CHCHD6: variants seen among roughly 807,000 people sequenced by gnomAD.
CHCHD6 encodes coiled-coil-helix-coiled-coil-helix domain containing 6, also known as MICOS complex subunit MIC25.
In CHCHD6, 28 loss-of-function variants were observed where a neutral mutation model predicts 32.3. The ratio of observed to expected loss-of-function variants is 0.87; its 90% CI spans 0.64 to 1.19. The LOEUF (loss-of-function observed/expected upper bound fraction) is 1.19. Ranked by LOEUF, CHCHD6 falls within the 50% of genes most tolerant of loss-of-function variation. CHCHD6 has a pLI of 0.00. For synonymous variants in CHCHD6, 122 were observed against 117.5 expected (o/e 1.04, Z -0.25); for missense variants, 333 against 307.0 (o/e 1.08, Z -0.63).
At chr3:126,710,417 G>A (rs1553722444) in intron 1 of CHCHD6, among the ~76,000 whole-genome samples, 1 of 152,104 alleles carries the variant, frequency 6.6e-6, no homozygotes, top group Non-Finnish European at 1.5e-5. Context: ...TATCTGTTCT[G>A]GGTCCTTTGC....
At chr3:126,883,165 A>T (rs530644677) in intron 5 of CHCHD6, among the ~76,000 whole-genome samples, 7 of 152,326 alleles carry the variant, frequency 4.6e-5, no homozygotes, top group Admixed American at 1.3e-4. Flanking sequence ...TGGAAGCTCC[A>T]CGTCCCTTTT....
chr3:126,895,666 A>G (rs762977304), intron 5 of CHCHD6, among the ~76,000 whole-genome samples: 1 of 152,216 alleles, frequency 6.6e-6, no homozygotes, highest in Non-Finnish European at 1.5e-5. Flanking sequence ...AGTTATTTTT[A>G]GGCATGGAAA....
intron 1 of CHCHD6, among the ~76,000 whole-genome samples, chr3:126,717,232 C>T (rs1935063547): frequency 6.6e-6 from 1 of 152,092 alleles, no homozygotes; most frequent in Non-Finnish European, 1.5e-5. Context: ...ACAGTGAGTG[C>T]TGGATGAAGG....
intron 5 of CHCHD6, among the ~76,000 whole-genome samples, chr3:126,862,113 T>C (rs1411033370): frequency 0.041 from 126 of 3,064 alleles, no homozygotes; most frequent in Admixed American, 0.066. Flanking sequence ...CCTTCCCCTC[T>C]ACCACCATCA....
At chr3:126,783,010 A>G (rs950380093) in intron 4 of CHCHD6, among the ~76,000 whole-genome samples, 2 of 152,178 alleles carry the variant, frequency 1.3e-5, no homozygotes, top group Non-Finnish European at 2.9e-5. Context: ...CCCACTGATT[A>G]TTAACTATAG....
chr3:126,906,501 C>T (rs775302857), intron 5 of CHCHD6, among the ~76,000 whole-genome samples: 45 of 152,342 alleles, frequency 3.0e-4, no homozygotes, highest in African/African-American at 3.8e-4. Context: ...CAACACCTTC[C>T]GACAGCGCTC....
intron 5 of CHCHD6, among the ~76,000 whole-genome samples, chr3:126,876,763 A>C (rs1433022150): frequency 6.6e-6 from 1 of 152,258 alleles, no homozygotes; most frequent in Non-Finnish European, 1.5e-5. Context: ...TATTCCATTA[A>C]GATAAACAGA....
chr3:126,859,048 T>C (rs1013889808), intron 5 of CHCHD6, among the ~76,000 whole-genome samples: 8 of 152,276 alleles, frequency 5.3e-5, no homozygotes, highest in Non-Finnish European at 8.8e-5. Flanking sequence ...GCACAGTCCT[T>C]GCTGGTCTGA....
chr3:126,827,274 T>C (rs1336585750), intron 4 of CHCHD6, among the ~76,000 whole-genome samples: 5 of 152,224 alleles, frequency 3.3e-5, no homozygotes, highest in Non-Finnish European at 7.3e-5. Flanking sequence ...GGGAATATTA[T>C]TCTTGCTGCA....
intron 5 of CHCHD6, among the ~76,000 whole-genome samples, chr3:126,913,493 C>T (rs1238156526): frequency 1.3e-5 from 2 of 151,986 alleles, no homozygotes; most frequent in East Asian, 3.9e-4. Flanking sequence ...CCTCAGCCTC[C>T]CAAAGTGCCC....
chr3:126,723,711 G>A (rs1390421362), intron 1 of CHCHD6, among the ~76,000 whole-genome samples: 1 of 152,176 alleles, frequency 6.6e-6, no homozygotes, highest in African/African-American at 2.4e-5. Flanking sequence ...GGATGTTTAT[G>A]TGATTTCCTT....
At chr3:126,768,157 G>C (rs903120150) in intron 4 of CHCHD6, among the ~76,000 whole-genome samples, 2 of 152,144 alleles carry the variant, frequency 1.3e-5, no homozygotes, top group African/African-American at 4.8e-5. Flanking sequence ...TTGGATCGTG[G>C]GGGTAGATTT....
At chr3:126,809,718 A>G (rs1939572823) in intron 4 of CHCHD6, among the ~76,000 whole-genome samples, 1 of 152,190 alleles carries the variant, frequency 6.6e-6, no homozygotes, top group Admixed American at 6.5e-5. Flanking sequence ...CATTCCTTCT[A>G]AAACAAGGTA....
At chr3:126,730,013 G>C (rs1309977400) in intron 2 of CHCHD6, among the ~76,000 whole-genome samples, 1 of 152,134 alleles carries the variant, frequency 6.6e-6, no homozygotes, top group Non-Finnish European at 1.5e-5. Flanking sequence ...GGGACCTACT[G>C]TAACAACAAA....
chr3:126,856,700 C>T (rs996531455), intron 5 of CHCHD6, among the ~76,000 whole-genome samples: 3 of 152,192 alleles, frequency 2.0e-5, no homozygotes, highest in Non-Finnish European at 4.4e-5. Flanking sequence ...TAGTAGAAAC[C>T]TTGGTGCTGG....
chr3:126,957,322 G>A (rs2078799593), intron 6 of CHCHD6, 94 bp from the exon 7 acceptor site: 3 of 1,429,390 alleles, frequency 2.1e-6, no homozygotes, highest in South Asian at 1.2e-5. Context: ...ACTTAGCCTA[G>A]CGCCTGGGAG....
chr3:126,723,342 C>G (rs1259792940), intron 1 of CHCHD6, among the ~76,000 whole-genome samples: 5 of 152,126 alleles, frequency 3.3e-5, no homozygotes, highest in Non-Finnish European at 7.4e-5. Context: ...GCTCCTGTCC[C>G]CACTTTCAGG....
At chr3:126,895,952 G>A (rs1177447341) in intron 5 of CHCHD6, among the ~76,000 whole-genome samples, 1 of 152,248 alleles carries the variant, frequency 6.6e-6, no homozygotes, top group East Asian at 1.9e-4. Context: ...GGCTTATGGT[G>A]TGCTAGTGAG....
intron 5 of CHCHD6, among the ~76,000 whole-genome samples, chr3:126,896,855 G>GAA (rs1233867438): frequency 6.6e-6 from 1 of 152,180 alleles, no homozygotes; most frequent in Non-Finnish European, 1.5e-5. Flanking sequence ...GCTGGAGAGG[G>GAA]AAACAGTGAG....
Sources: allele counts gnomAD v4.1 joint callset (sites outside exome capture counted in the v4.1 genomes callset), GRCh38; gene constraint gnomAD v4.1.1; transcripts MANE v1.5; gene names NCBI Gene and HGNC (gene_info 2026-07-23, HGNC 2026-07-21).